The following LRP2 variants were observed in gnomAD, a reference collection of about 807,000 sequenced individuals.
LRP2 encodes low-density lipoprotein receptor-related protein 2.
LRP2 carries 172 observed loss-of-function variants against 531.0 expected under a neutral mutation model. The observed-to-expected ratio is 0.32, with a 90% confidence interval of 0.29 to 0.37. The LOEUF is 0.37. Among genes scored for constraint, LRP2 ranks in the 10% least tolerant of loss-of-function variants. The pLI is 1.00. For missense variants in LRP2, 5,167 were observed against 5,868.3 expected, an observed-to-expected ratio of 0.88 and a Z score of 3.90; for synonymous variants, 1,992 against 2,027.6, an observed-to-expected ratio of 0.98 and a Z score of 0.47.
At chr2:169,285,411 A>C (rs114897005) in intron 9 of LRP2, among the ~76,000 whole-genome samples, 5,428 of 152,324 alleles carry the variant, frequency 0.036, 135 homozygotes, top group Non-Finnish European at 0.052. Flanking sequence ...CAGCAGCCAG[A>C]GTGAAGACAA....
chr2:169,247,864 C>T (rs890163045), intron 19 of LRP2, among the ~76,000 whole-genome samples: 8 of 152,180 alleles, frequency 5.3e-5, no homozygotes, highest in Admixed American at 1.3e-4. Context: ...GGTCTGCACC[C>T]GCTAAAGCAC....
intron 16 of LRP2, among the ~76,000 whole-genome samples, chr2:169,260,876 A>T (rs1370652026): frequency 1.3e-5 from 2 of 151,884 alleles, no homozygotes; most frequent in African/African-American, 2.4e-5. Flanking sequence ...ACTAGAAAAA[A>T]AAAAATGATC....
At chr2:169,159,213 A>C (rs183035801) in intron 63 of LRP2, among the ~76,000 whole-genome samples, 1 of 152,188 alleles carries the variant, frequency 6.6e-6, no homozygotes, top group Non-Finnish European at 1.5e-5. Context: ...TCCTGGTCAT[A>C]GGCTTCTGAG....
intron 52 of LRP2, among the ~76,000 whole-genome samples, chr2:169,179,170 C>T (rs907547504): frequency 6.6e-6 from 1 of 151,980 alleles, no homozygotes; most frequent in African/African-American, 2.4e-5. Flanking sequence ...GCACATCCAG[C>T]TAATTTTTGT....
In LRP2 at chr2:169,145,823, C is replaced by T. The variant is rs182374639; in HGVS notation, c.12912G>A (p.Lys4304=). 6.8e-6 allele frequency: 11 copies of T among 1,614,050 alleles called. 1 individual carries two copies. The South Asian group carries it at 9.9e-5, about 14-fold the overall frequency. The part of the protein sequence containing the change: ...VWKQNKFGQG[K]KEKTLVVNPW... ...GGTTCACTACCAGCGTTTTCTCTTTCTTTCCTTGCCCAAATTTATTTTGTT... is the reference window on the plus strand; with the variant it reads ...GGTTCACTACCAGCGTTTTCTCTTTTTTTCCTTGCCCAAATTTATTTTGTT... Residue 4304 remains lysine, a synonymous_variant, in exon 70 of 79, where the codon AAG becomes AAA. Transcript: ENST00000649046.
chr2:169,149,844 T>C (rs897358174), intron 68 of LRP2, among the ~76,000 whole-genome samples: 19 of 145,590 alleles, frequency 1.3e-4, no homozygotes, highest in Non-Finnish European at 2.7e-4. Flanking sequence ...TCCAAAAAAA[T>C]TAAAAAAAAA....
At chr2:169,215,989 T>A (rs370198842) in intron 35 of LRP2, among the ~76,000 whole-genome samples, 53 of 151,954 alleles carry the variant, frequency 3.5e-4, no homozygotes, top group African/African-American at 1.2e-3. Flanking sequence ...TGGAATTAAT[T>A]TATCTTGAAG....
At chr2:169,326,087 C>A (rs1484533723) in intron 1 of LRP2, among the ~76,000 whole-genome samples, 1 of 149,298 alleles carries the variant, frequency 6.7e-6, no homozygotes, top group Admixed American at 6.8e-5. Flanking sequence ...GTCCTAGGAT[C>A]AGTGGAAGAA....
chr2:169,255,225 C>T (rs1690256469), intron 19 of LRP2, among the ~76,000 whole-genome samples: 1 of 152,142 alleles, frequency 6.6e-6, no homozygotes, highest in African/African-American at 2.4e-5. Context: ...GTTTGTCAAA[C>T]AGACCCAGGA....
intron 3 of LRP2, among the ~76,000 whole-genome samples, chr2:169,309,116 G>T (rs1684515056): frequency 6.6e-6 from 1 of 152,124 alleles, no homozygotes; most frequent in Non-Finnish European, 1.5e-5. Flanking sequence ...GTAGATTCTG[G>T]ATATCAGCCC....
At position 169,174,165 on chromosome 2, in the gene LRP2, C is replaced by T. The variant is rs759496891; in HGVS notation, c.10769-1G>A. ...TCATTGGAGTCACAGTGGTGATTCTCTGAGAGCAGGGACATTTGGTTATCA... is the reference window on the plus strand; with the variant it reads ...TCATTGGAGTCACAGTGGTGATTCTTTGAGAGCAGGGACATTTGGTTATCA... On this transcript the variant is annotated splice_acceptor_variant, in intron 55 of 78. Transcript: ENST00000649046. LOFTEE classifies it high-confidence loss of function. 1 of 1,614,200 alleles carries T rather than the reference C, an allele frequency of 6.2e-7. No homozygotes were observed. The highest frequency in any genetic ancestry group is 8.5e-7 in the Non-Finnish European group (1 of 1,180,032).
At chr2:169,287,523 G>C (rs747318536) in intron 9 of LRP2, among the ~76,000 whole-genome samples, 1 of 152,018 alleles carries the variant, frequency 6.6e-6, no homozygotes, top group Non-Finnish European at 1.5e-5. Context: ...TGAGCCCAAC[G>C]ATTGTAGTTT....
intron 1 of LRP2, among the ~76,000 whole-genome samples, chr2:169,336,403 G>A (rs148660814): frequency 2.2e-4 from 33 of 152,056 alleles, no homozygotes; most frequent in African/African-American, 6.3e-4. Context: ...AGCCAGGCGC[G>A]GTGGCATGCA....
intron 58 of LRP2, among the ~76,000 whole-genome samples, chr2:169,171,165 C>T (rs1686991401): frequency 6.6e-6 from 1 of 152,034 alleles, no homozygotes; most frequent in African/African-American, 2.4e-5. Flanking sequence ...TTGGATTACC[C>T]TTTTGTATAA....
rs1356570991 is a variant in LRP2, at chr2:169,262,142, T to C, written c.2321-2925A>G. 3.3e-5 allele frequency among the ~76,000 whole-genome samples: 5 copies of C among 150,402 alleles called. No individual in the cohort carries two copies. In the East Asian group the frequency reaches 9.8e-4, roughly 29 times the overall value. ...GACAAACCCACAGCCAATATCATAC[T>C]GAATGGGCAAAAACTGGAAGCATTC... On this transcript the variant is annotated intron_variant, in intron 16 of 78. Coordinates refer to ENST00000649046, the MANE Select transcript of LRP2 (RefSeq NM_004525.3).
chr2:169,207,360 T>C (rs769512496), intron 38 of LRP2, 110 bp from the exon 39 acceptor site: 6 of 774,424 alleles, frequency 7.7e-6, no homozygotes, highest in African/African-American at 3.5e-5. Context: ...TGGGTCACTA[T>C]ATGTTGTCTT....
chr2:169,259,452 A>G (rs1690452520), intron 16 of LRP2, among the ~76,000 whole-genome samples: 1 of 151,984 alleles, frequency 6.6e-6, no homozygotes, highest in Non-Finnish European at 1.5e-5. Context: ...TAGATATGAT[A>G]CTGACAAACA....
At position 169,279,534 on chromosome 2, in the gene LRP2, G is replaced by A. The variant is rs1208534696; in HGVS notation, c.1403C>T (p.Thr468Ile). 2 of 1,613,958 alleles carry A rather than the reference G, an allele frequency of 1.2e-6. No individual in the cohort carries two copies. The highest frequency in any genetic ancestry group is 2.2e-5 in the East Asian group (1 of 44,872). The stretch of plus-strand genomic sequence containing the variant: ...CCAGTCCACAGCCAGGTTCTCTGGG[G>A]TTTCAACAGAAACATTGAGAACCTC... Reference protein sequence around the residue: ...IQEVLNVSVETPENLAVDWVN... With the variant: ...IQEVLNVSVEIPENLAVDWVN... Residue 468 changes from threonine to isoleucine, a missense_variant, in exon 12 of 79, where the codon ACC becomes ATC. Around this residue, in one of 6 missense-constraint regions of LRP2, gnomAD observed 2,811 missense variants for 3,058.0 expected, o/e 0.92. Coordinates refer to ENST00000649046, the MANE Select transcript of LRP2 (RefSeq NM_004525.3).
chr2:169,301,794 A>G (rs1429865402), intron 4 of LRP2, among the ~76,000 whole-genome samples: 1 of 152,068 alleles, frequency 6.6e-6, no homozygotes, highest in Non-Finnish European at 1.5e-5. Context: ...CCCGGAATGG[A>G]CACAAGGTAC....
Sources: gnomAD v4.1 joint callset for allele counts (sites outside exome capture counted in the v4.1 genomes callset) on GRCh38, gnomAD v4.1.1 for gene constraint, gnomAD v4.1.1 regional missense constraint, MANE v1.5 for transcripts, NCBI Gene and HGNC (gene_info 2026-07-23, HGNC 2026-07-21) for gene names.